FTO: variants seen among roughly 807,000 people sequenced by gnomAD.
FTO encodes the protein alpha-ketoglutarate-dependent dioxygenase FTO.
A neutral mutation model predicts 63.9 loss-of-function variants in FTO; 47 were observed. That is an observed-to-expected ratio of 0.74 (90% CI 0.58 to 0.94). The LOEUF is 0.94. Among genes scored for constraint, FTO ranks in the 40% least tolerant of loss-of-function variants. The pLI is 0.00. For missense variants in FTO, 562 were observed against 618.1 expected, an observed-to-expected ratio of 0.91 and a Z score of 0.96; for synonymous variants, 207 against 224.4, an observed-to-expected ratio of 0.92 and a Z score of 0.69.
chr16:53,749,136 GACT>G (rs1358160612), intron 1 of FTO, among the ~76,000 whole-genome samples: 6 of 152,188 alleles, frequency 3.9e-5, no homozygotes, highest in Non-Finnish European at 8.8e-5. Flanking sequence ...CATATAGAAA[GACT>G]ACTGATTTTT....
intron 8 of FTO, among the ~76,000 whole-genome samples, chr16:53,989,829 C>T (rs527351046): frequency 6.6e-6 from 1 of 151,878 alleles, no homozygotes; most frequent in East Asian, 1.9e-4. Flanking sequence ...CCCACCCCTC[C>T]ACTCCCTCCT....
chr16:53,830,443 A>T (rs1185725205), intron 3 of FTO, among the ~76,000 whole-genome samples: 2 of 152,240 alleles, frequency 1.3e-5, no homozygotes, highest in Non-Finnish European at 2.9e-5. Flanking sequence ...CAGAAACATC[A>T]CTTAGATCAA....
intron 2 of FTO, among the ~76,000 whole-genome samples, chr16:53,812,391 T>A (rs1030307896): frequency 1.3e-5 from 2 of 151,928 alleles, no homozygotes; most frequent in African/African-American, 2.4e-5. Context: ...TCTGGCTAAT[T>A]TTTATATTTT....
At chr16:53,921,631 A>T (rs780739926) in intron 7 of FTO, among the ~76,000 whole-genome samples, 1 of 152,178 alleles carries the variant, frequency 6.6e-6, no homozygotes, top group Non-Finnish European at 1.5e-5. Flanking sequence ...AGATAAGGCA[A>T]GGCACCGTGG....
chr16:53,873,773 G>A lies in FTO; in HGVS notation c.896-13G>A. 6.2e-7 allele frequency: 1 copy of A among 1,609,354 alleles called. No individual in the cohort carries two copies. Among genetic ancestry groups the A allele is most frequent in the African/African-American group, 1.3e-5 (1 of 74,874 alleles). ...AAATATGGTTTTATACATTTCTGGT[G>A]TTTTTCCTGTAGATGATCTCAATGC... On this transcript the variant is annotated splice_polypyrimidine_tract_variant and intron_variant, in intron 4 of 8. Transcript: ENST00000471389.
intron 4 of FTO, among the ~76,000 whole-genome samples, chr16:53,866,415 C>G (rs969219259): frequency 6.6e-6 from 1 of 152,112 alleles, no homozygotes; most frequent in Admixed American, 6.6e-5. Context: ...GAAGTATTCC[C>G]TGTGTTACCT....
chr16:53,973,808 A>G (rs1225916909), intron 8 of FTO, among the ~76,000 whole-genome samples: 1 of 152,222 alleles, frequency 6.6e-6, no homozygotes, highest in Non-Finnish European at 1.5e-5. Context: ...TTATATGGGC[A>G]TATACATTTT....
intron 1 of FTO, among the ~76,000 whole-genome samples, chr16:53,713,934 A>G (rs1225429269): frequency 6.6e-6 from 1 of 152,056 alleles, no homozygotes; most frequent in Non-Finnish European, 1.5e-5. Flanking sequence ...TATGAGTTTG[A>G]CTATTAGACG....
chr16:53,919,792 C>G (rs2081966220), intron 7 of FTO, among the ~76,000 whole-genome samples: 1 of 151,942 alleles, frequency 6.6e-6, no homozygotes. Context: ...TGTGAGGAGG[C>G]AAAGGCATAA....
At chr16:53,869,201 C>G (rs1196194528) in intron 4 of FTO, among the ~76,000 whole-genome samples, 1 of 151,928 alleles carries the variant, frequency 6.6e-6, no homozygotes, top group South Asian at 2.1e-4. Context: ...TTTTTTTCCT[C>G]TCAACACCTT....
chr16:54,034,381 G>A (rs2084896991), intron 8 of FTO, among the ~76,000 whole-genome samples: 3 of 152,154 alleles, frequency 2.0e-5, no homozygotes, highest in Admixed American at 2.0e-4. Flanking sequence ...AAGGAAGAGT[G>A]ATGGAATATT....
intron 1 of FTO, among the ~76,000 whole-genome samples, chr16:53,779,325 T>TA (rs559395752): frequency 3.3e-5 from 5 of 150,324 alleles, no homozygotes; most frequent in African/African-American, 4.9e-5. Context: ...TCTTTTCTAT[T>TA]AAAAAAAAAA....
At chr16:53,915,427 C>T (rs1376240406) in intron 7 of FTO, among the ~76,000 whole-genome samples, 1 of 152,184 alleles carries the variant, frequency 6.6e-6, no homozygotes, top group African/African-American at 2.4e-5. Context: ...TATATGAAGA[C>T]AAATGCACAT....
intron 4 of FTO, among the ~76,000 whole-genome samples, chr16:53,859,938 A>G (rs182792302): frequency 9.2e-5 from 14 of 152,338 alleles, no homozygotes; most frequent in African/African-American, 3.4e-4. Flanking sequence ...ACTTTGGTAT[A>G]CATATCCAAA....
At chr16:54,088,345 G>C (rs1363639441) in intron 8 of FTO, among the ~76,000 whole-genome samples, 2 of 152,090 alleles carry the variant, frequency 1.3e-5, no homozygotes, top group Non-Finnish European at 2.9e-5. Context: ...CTGTAATTTA[G>C]TATCATTCCT....
chr16:53,856,079 C>T (rs1393940089), intron 4 of FTO, among the ~76,000 whole-genome samples: 1 of 144,370 alleles, frequency 6.9e-6, no homozygotes, highest in East Asian at 2.2e-4. Flanking sequence ...TTCCCAAAGG[C>T]ATGAGCTATA....
intron 7 of FTO, among the ~76,000 whole-genome samples, chr16:53,908,038 G>A (rs2081581592): frequency 6.6e-6 from 1 of 152,144 alleles, no homozygotes; most frequent in African/African-American, 2.4e-5. Flanking sequence ...TTGCTGAAGT[G>A]GTTTTTGGTC....
chr16:53,895,422 T>A (rs2081256210), intron 7 of FTO, among the ~76,000 whole-genome samples: 1 of 152,206 alleles, frequency 6.6e-6, no homozygotes, highest in South Asian at 2.1e-4. Flanking sequence ...CTCTTTGAAG[T>A]GTTTTTGCAA....
At chr16:54,030,567 TG>T (rs1219872787) in intron 8 of FTO, among the ~76,000 whole-genome samples, 2 of 152,132 alleles carry the variant, frequency 1.3e-5, no homozygotes, top group Non-Finnish European at 2.9e-5. Context: ...CATTTTTTTT[TG>T]TTTGTTTTTC....
Sources: allele counts gnomAD v4.1 joint callset (sites outside exome capture counted in the v4.1 genomes callset), GRCh38; gene constraint gnomAD v4.1.1; transcripts MANE v1.5; gene names NCBI Gene and HGNC (gene_info 2026-07-23, HGNC 2026-07-21).